The following MTHFD2 variants were observed in gnomAD, a reference collection of about 807,000 sequenced individuals.
MTHFD2 encodes the protein bifunctional methylenetetrahydrofolate dehydrogenase/cyclohydrolase, mitochondrial.
Under a neutral mutation model 36.8 loss-of-function variants are expected in MTHFD2, and 26 were observed. The observed-to-expected ratio is 0.71, with a 90% confidence interval of 0.52 to 0.98. The LOEUF is 0.98. MTHFD2 is among the 50% of genes least tolerant of loss of function. MTHFD2 has a pLI of 0.00. For synonymous variants in MTHFD2, 164 were observed against 155.2 expected, an observed-to-expected ratio of 1.06 and a Z score of -0.42; for missense variants, 373 against 434.0, an observed-to-expected ratio of 0.86 and a Z score of 1.25.
At chr2:74,210,976 G>A (rs1694292141) in intron 5 of MTHFD2, among the ~76,000 whole-genome samples, 2 of 152,114 alleles carry the variant, frequency 1.3e-5, no homozygotes, top group African/African-American at 2.4e-5. Flanking sequence ...TAGTAGAGAC[G>A]GGGTTTCACC....
intron 5 of MTHFD2, 47 bp downstream of exon 5, chr2:74,210,096 A>G (rs1365840158): frequency 4.1e-6 from 6 of 1,469,842 alleles, no homozygotes; most frequent in Non-Finnish European, 5.6e-6. Context: ...TCCCCATGTA[A>G]GAACTTTCAG....
chr2:74,199,322 T>TG (rs1693987237), intron 1 of MTHFD2, among the ~76,000 whole-genome samples: 2 of 152,134 alleles, frequency 1.3e-5, no homozygotes, highest in African/African-American at 4.8e-5. Flanking sequence ...GAACGGACTC[T>TG]GGGCACCCTA....
intron 7 of MTHFD2, among the ~76,000 whole-genome samples, chr2:74,212,135 A>G (rs1694318885): frequency 6.9e-6 from 1 of 144,716 alleles, no homozygotes; most frequent in Non-Finnish European, 1.5e-5. Flanking sequence ...CCCAGTCAGT[A>G]TGCTTTTCCC....
intron 2 of MTHFD2, 64 bp downstream of exon 2, chr2:74,205,953 C>T: frequency 1.3e-6 from 2 of 1,502,824 alleles, no homozygotes; most frequent in Non-Finnish European, 1.8e-6. Flanking sequence ...AAAGTCCATT[C>T]TAATTTATGA....
rs546972980 is a variant in MTHFD2, at chr2:74,217,037, A to G, written c.*2795A>G. The stretch of plus-strand genomic sequence containing the variant: ...GAAGGGAGCTCTGAGATTAAATGTA[A>G]TCAAACACTTATTGAGAGCTTTCTA... On this transcript the variant is annotated 3_prime_UTR_variant, in exon 8 of 8. Coordinates refer to ENST00000394053, the MANE Select transcript of MTHFD2 (RefSeq NM_006636.4). The G allele has an allele frequency of 6.6e-6, 1 of 152,302 alleles. No homozygotes were observed. The highest frequency in any genetic ancestry group is 2.4e-5 in the African/African-American group (1 of 41,544). 9.4% of individuals were successfully genotyped at this position (152,302 alleles called of 1,614,324 possible).
rs1271704605 is a variant in MTHFD2, at chr2:74,216,748, A to T, written c.*2506A>T. ...ATCAGCCTCTGAAATGGCTGGGACT[A>T]CAGGTGTGTGCCAGCATGCCTAGCT... On this transcript the variant is annotated 3_prime_UTR_variant, in exon 8 of 8. Transcript: ENST00000394053. The T allele has an allele frequency of 3.9e-5, 6 of 152,198 alleles. No individual in the cohort carries two copies. The highest frequency in any genetic ancestry group is 1.4e-4 in the African/African-American group (6 of 41,424). 9.4% of individuals were successfully genotyped at this position (152,198 alleles called of 1,614,324 possible).
intron 2 of MTHFD2, among the ~76,000 whole-genome samples, chr2:74,207,340 G>A (rs1382592407): frequency 6.6e-6 from 1 of 151,168 alleles, no homozygotes; most frequent in Non-Finnish European, 1.5e-5. Flanking sequence ...GTGTTAGCCA[G>A]GATGGTCTCC....
chr2:74,205,686 ACT>A lies in MTHFD2; in HGVS notation c.102-16_102-15del, dbSNP rs1464882734. The A allele has an allele frequency of 6.2e-7, 1 of 1,611,028 alleles. No homozygotes were observed. The highest frequency in any genetic ancestry group is 8.5e-7 in the Non-Finnish European group (1 of 1,178,594). Reference sequence around the variant, plus strand: ...AAAATTCAAGTTATTTGGTTTTGTGACTCTGTTGCCTTCTGCAGAAATGAAGC... The same window carrying A: ...AAAATTCAAGTTATTTGGTTTTGTGACTGTTGCCTTCTGCAGAAATGAAGC... On this transcript the variant is annotated splice_polypyrimidine_tract_variant and intron_variant, in intron 1 of 7. Coordinates refer to ENST00000394053, the MANE Select transcript of MTHFD2 (RefSeq NM_006636.4).
At chr2:74,212,000 A>AG (rs1694315735) in intron 7 of MTHFD2, 134 bp downstream of exon 7, 1 of 721,088 alleles carries the variant, frequency 1.4e-6, no homozygotes, top group Non-Finnish European at 1.9e-6. Context: ...CCCAGGCTGG[A>AG]GTGCAGTGGC....
Position 74,201,454 on chromosome 2 carries a change from C to G in MTHFD2, c.101+2712C>G, listed in dbSNP as rs141360121. Among the ~76,000 whole-genome samples the G allele has an allele frequency of 3.0e-4, 45 of 151,768 alleles. No individual in the cohort carries two copies. In the East Asian group the frequency reaches 8.7e-3, roughly 29 times the overall value. On this transcript the variant is annotated intron_variant, in intron 1 of 7. Coordinates refer to ENST00000394053, the MANE Select transcript of MTHFD2 (RefSeq NM_006636.4). The stretch of plus-strand genomic sequence containing the variant: ...CTTACTGCAGCCTTGACCTCCTGGG[C>G]TCAAGTGATCCTCCCACCTCAGCTT...
At chr2:74,205,570 C>A in intron 1 of MTHFD2, 135 bp from the exon 2 acceptor site, 2 of 876,298 alleles carry the variant, frequency 2.3e-6, no homozygotes, top group Non-Finnish European at 3.5e-6. Flanking sequence ...TCTCAAACTC[C>A]TGGGCTCAAG....
At chr2:74,212,263 CTT>C (rs398042480) in intron 7 of MTHFD2, among the ~76,000 whole-genome samples, 26 of 35,690 alleles carry the variant, frequency 7.3e-4, no homozygotes, top group Non-Finnish European at 8.3e-4. Flanking sequence ...GTTTCTTTCT[CTT>C]TTTTTTTTTT....
rs1694389737 is a variant in MTHFD2, at chr2:74,214,622, T to G, written c.*380T>G. 6.5e-6 allele frequency: 1 copy of G among 154,068 alleles called. No individual in the cohort carries two copies. Among genetic ancestry groups the G allele is most frequent in the Non-Finnish European group, 1.4e-5 (1 of 69,008 alleles). 9.5% of individuals were successfully genotyped at this position (154,068 alleles called of 1,614,324 possible). A position where few individuals can be genotyped will look rare whatever the true frequency, so the allele number is the denominator to read the frequency against. On this transcript the variant is annotated 3_prime_UTR_variant, in exon 8 of 8. Transcript: ENST00000394053. ...TGATACTCATTTTAGGTACCAAACC[T>G]TTTGAGTTCAACTGATCAAACCAAA...
At position 74,211,235 on chromosome 2, in the gene MTHFD2, C is replaced by T. The variant is rs772513064; in HGVS notation, c.707C>T (p.Pro236Leu). Residue 236 changes from proline to leucine, a missense_variant, in exon 6 of 8, where the codon CCC (proline) becomes CTC (leucine). By Grantham distance (98) the Pro-to-Leu change is moderately conservative (BLOSUM62 -3). Coordinates refer to ENST00000394053, the MANE Select transcript of MTHFD2 (RefSeq NM_006636.4). Reference sequence around the variant, plus strand: ...GTTACAATATCTCATCGATATACTCCCAAAGAGCAGTTGAAGAAACATACA... The same window carrying T: ...GTTACAATATCTCATCGATATACTCTCAAAGAGCAGTTGAAGAAACATACA... ...ATVTISHRYT[P>L]KEQLKKHTIL... 1.2e-6 allele frequency: 2 copies of T among 1,608,250 alleles called. No homozygotes were observed. Among genetic ancestry groups the T allele is most frequent in the Non-Finnish European group, 1.7e-6 (2 of 1,176,650 alleles).
At chr2:74,210,785 G>GTTTTTTTTTTGTT (rs1553449046) in intron 5 of MTHFD2, among the ~76,000 whole-genome samples, 41 of 132,050 alleles carry the variant, frequency 3.1e-4, no homozygotes, top group African/African-American at 1.1e-3. Flanking sequence ...CATTAAGTCA[G>GTTTTTTTTTTGTT]TTTTTTTTTT....
At chr2:74,211,964 T>C in intron 7 of MTHFD2, 98 bp downstream of exon 7, 3 of 1,049,094 alleles carry the variant, frequency 2.9e-6, no homozygotes, top group Non-Finnish European at 3.8e-6. Flanking sequence ...TTTTTTTTTT[T>C]TTGAGATGGG....
chr2:74,199,422 A>G (rs1693990220), intron 1 of MTHFD2, among the ~76,000 whole-genome samples: 1 of 152,186 alleles, frequency 6.6e-6, no homozygotes, highest in Non-Finnish European at 1.5e-5. Flanking sequence ...GCCTTAGGGA[A>G]AGGGGGAATG....
chr2:74,199,435 GAGTGACA>G (rs1171728292), intron 1 of MTHFD2, among the ~76,000 whole-genome samples: 1 of 152,234 alleles, frequency 6.6e-6, no homozygotes, highest in Non-Finnish European at 1.5e-5. Context: ...GGGGAATGGA[GAGTGACA>G]AGTACCCATA....
In MTHFD2 at chr2:74,205,883, G is replaced by A. The variant is rs764941650; in HGVS notation, c.280G>A (p.Val94Ile). Residue 94 changes from valine to isoleucine, a missense_variant, in exon 2 of 8, where the codon GTT becomes ATT. Val to Ile is a conservative substitution (Grantham distance 29). Transcript: ENST00000394053. ...CCTCAACAAAACCAGGGCAGCTGCAGTTGTGGGTATGTGTCCTTCTGAGAC... is the reference window on the plus strand; with the variant it reads ...CCTCAACAAAACCAGGGCAGCTGCAATTGTGGGTATGTGTCCTTCTGAGAC... ...YVLNKTRAAA[V>I]VGINSETIMK... 3.1e-6 allele frequency: 5 copies of A among 1,613,296 alleles called. No homozygotes were observed. Among genetic ancestry groups the A allele is most frequent in the East Asian group, 2.2e-5 (1 of 44,808 alleles).
Sources: gnomAD v4.1 joint callset for allele counts (sites outside exome capture counted in the v4.1 genomes callset) on GRCh38, gnomAD v4.1.1 for gene constraint, MANE v1.5 for transcripts, NCBI Gene and HGNC (gene_info 2026-07-23, HGNC 2026-07-21) for gene names.